Variants in TCEA1 observed in about 807,000 individuals in gnomAD.
The protein encoded by TCEA1 is transcription elongation factor A protein 1.
In TCEA1, 21 loss-of-function variants were observed where a neutral mutation model predicts 43.8. That is an observed-to-expected ratio of 0.48 (90% CI 0.34 to 0.69). The LOEUF is 0.69. Ranked by LOEUF, TCEA1 falls within the 30% of genes least tolerant of loss-of-function variation. TCEA1 has a pLI of 0.01. For synonymous variants in TCEA1, 104 were observed against 117.5 expected, an observed-to-expected ratio of 0.88 and a Z score of 0.75; for missense variants, 250 against 365.1, an observed-to-expected ratio of 0.68 and a Z score of 2.57.
intron 7 of TCEA1, among the ~76,000 whole-genome samples, chr8:53,982,001 G>A (rs1173655931): frequency 2.7e-5 from 4 of 147,696 alleles, no homozygotes; most frequent in Admixed American, 1.4e-4. Context: ...CTGGACTCAA[G>A]TGATCTGCTC....
intron 4 of TCEA1, among the ~76,000 whole-genome samples, chr8:53,992,565 C>T (rs748473479): frequency 1.1e-4 from 16 of 152,120 alleles, no homozygotes; most frequent in Non-Finnish European, 1.5e-4. Flanking sequence ...GAGCCAAGAT[C>T]GCACCACTGC....
intron 8 of TCEA1, chr8:53,972,718 G>T: frequency 1.5e-6 from 1 of 676,166 alleles, no homozygotes; most frequent in Non-Finnish European, 2.8e-6. Context: ...TGGACCTCTA[G>T]AGAAAAACTG....
intron 1 of TCEA1, among the ~76,000 whole-genome samples, chr8:54,018,570 G>C (rs1291345773): frequency 1.3e-5 from 2 of 152,166 alleles, no homozygotes; most frequent in Admixed American, 1.3e-4. Context: ...AGAAAAGCCA[G>C]GATTTGAACC....
chr8:53,978,983 G>A (rs1401694507), intron 8 of TCEA1, 42 bp downstream of exon 8: 1 of 1,558,698 alleles, frequency 6.4e-7, no homozygotes. Flanking sequence ...GGAGTTGCAA[G>A]CATTTTTATA....
chr8:53,999,224 C>CAAAAAAA (rs57357613), intron 3 of TCEA1, among the ~76,000 whole-genome samples: 6 of 64,510 alleles, frequency 9.3e-5, no homozygotes, highest in African/African-American at 2.1e-4. Context: ...GACTCAGTCT[C>CAAAAAAA]AAAAAAAAAA....
At chr8:53,975,132 A>G (rs879798804) in intron 8 of TCEA1, among the ~76,000 whole-genome samples, 12 of 152,192 alleles carry the variant, frequency 7.9e-5, no homozygotes, top group Non-Finnish European at 1.2e-4. Flanking sequence ...ATCTCAAACT[A>G]TTCTCTGGAA....
chr8:53,973,515 C>T (rs1803230985), intron 8 of TCEA1: 6 of 506,668 alleles, frequency 1.2e-5, no homozygotes, highest in South Asian at 1.0e-4. Context: ...ACAAAATCTG[C>T]AAAAGATGGC....
intron 8 of TCEA1, among the ~76,000 whole-genome samples, chr8:53,977,703 A>G (rs1018387376): frequency 6.6e-6 from 1 of 152,254 alleles, no homozygotes; most frequent in African/African-American, 2.4e-5. Context: ...AAATTAAGAC[A>G]GTGATAAAAA....
intron 9 of TCEA1, 27 bp from the exon 10 acceptor site, chr8:53,968,139 A>G (rs1034739809): frequency 1.3e-6 from 2 of 1,510,010 alleles, no homozygotes; most frequent in African/African-American, 1.4e-5. Flanking sequence ...AATATTTTGT[A>G]AGACCTTTAA....
chr8:53,991,007 T>A (rs1803857411), intron 4 of TCEA1, among the ~76,000 whole-genome samples: 1 of 152,154 alleles, frequency 6.6e-6, no homozygotes, highest in African/African-American at 2.4e-5. Context: ...TGTAGATAGA[T>A]ACCAATCAGT....
chr8:54,007,960 TC>T (rs1010883453), intron 2 of TCEA1, among the ~76,000 whole-genome samples: 6 of 151,778 alleles, frequency 4.0e-5, no homozygotes, highest in Non-Finnish European at 7.4e-5. Context: ...GGATGGTGGA[TC>T]ACCCGAGGTC....
Position 53,968,961 on chromosome 8 carries a change from A to G in TCEA1, c.898-849T>C, listed in dbSNP as rs192529199. Among the ~76,000 whole-genome samples, 978 of 152,202 alleles carry G rather than the reference A, an allele frequency of 6.4e-3. 23 individuals are homozygous for G. The highest frequency in any genetic ancestry group is 5.1e-3 in the Non-Finnish European group (346 of 68,012). On this transcript the variant is annotated intron_variant, in intron 9 of 9. Coordinates refer to ENST00000521604, the MANE Select transcript of TCEA1 (RefSeq NM_006756.4). ...CCATGAAGACACTTTCAGTAGCAGTAATCTTTCCAGCTCAGAACTAAATCT... is the reference window on the plus strand; with the variant it reads ...CCATGAAGACACTTTCAGTAGCAGTGATCTTTCCAGCTCAGAACTAAATCT...
chr8:53,991,149 T>C lies in TCEA1; in HGVS notation c.320+2519A>G, dbSNP rs138886593. On this transcript the variant is annotated intron_variant, in intron 4 of 9. Coordinates refer to ENST00000521604, the MANE Select transcript of TCEA1 (RefSeq NM_006756.4). ...GGCTCACGACAGTAATCCCAGTACT[T>C]TGAGAGGCCAAGGTGGGTGGATCAC... is the stretch of plus-strand genomic sequence containing the variant. 3.2e-3 allele frequency among the ~76,000 whole-genome samples: 485 copies of C among 152,130 alleles called. 4 individuals are homozygous for C. Among genetic ancestry groups the C allele is most frequent in the African/African-American group, 0.01 (432 of 41,496 alleles).
Position 53,978,830 on chromosome 8 carries a change from T to C in TCEA1, c.825+195A>G, listed in dbSNP as rs1041541757. ...TATAAATAAAACTTATCAGTACATA[T>C]GTATCGGAAAAAACGTGGTATACAT... On this transcript the variant is annotated intron_variant, in intron 8 of 9. Transcript: ENST00000521604. The C allele has an allele frequency of 2.0e-6, 1 of 509,940 alleles. No homozygotes were observed. Among genetic ancestry groups the C allele is most frequent in the South Asian group, 4.0e-5 (1 of 25,114 alleles). The allele number at this position is 509,940 out of a possible 1,614,324, so 31.6% of individuals were successfully genotyped here.
intron 8 of TCEA1, chr8:53,973,631 T>A (rs967024071): frequency 1.8e-6 from 1 of 567,902 alleles, no homozygotes; most frequent in African/African-American, 1.9e-5. Flanking sequence ...ACAACAAGAT[T>A]GTGGAGCACC....
Position 53,967,606 on chromosome 8 carries a change from C to T in TCEA1, c.*498G>A, listed in dbSNP as rs970068998. On this transcript the variant is annotated 3_prime_UTR_variant, in exon 10 of 10. Transcript: ENST00000521604. ...TCATAAGCTACCTCAAAATTATGTA[C>T]ATTTTAGATAAGCTGGTCAAGTATT... is the stretch of plus-strand genomic sequence containing the variant. The T allele has an allele frequency of 1.5e-5, 3 of 201,292 alleles. No individual in the cohort carries two copies. The highest frequency in any genetic ancestry group is 2.3e-5 in the African/African-American group (1 of 43,422). The allele number at this position is 201,292 out of a possible 1,614,324, so 12.5% of individuals were successfully genotyped here.
Position 53,993,697 on chromosome 8 carries a change from C to A in TCEA1, c.291G>T (p.Ser97=), listed in dbSNP as rs748158928. The A allele has an allele frequency of 1.9e-6, 3 of 1,613,640 alleles. No homozygotes were observed. Among genetic ancestry groups the A allele is most frequent in the Non-Finnish European group, 2.5e-6 (3 of 1,179,758 alleles). The change falls in exon 4 of 10, where the codon TCG becomes TCT. Residue 97 remains serine, a synonymous_variant. Transcript: ENST00000521604. Reference sequence around the variant, plus strand: ...CTTCTCTTGCCTCAGGGCTGTTCTGCGATGTAATTGCAGGTTCTTTCTTCT... The same window carrying A: ...CTTCTCTTGCCTCAGGGCTGTTCTGAGATGTAATTGCAGGTTCTTTCTTCT... The part of the protein sequence containing the change: ...DEKKKEPAIT[S]QNSPEAREES...
chr8:53,987,099 C>G, intron 5 of TCEA1, 74 bp from the exon 6 acceptor site: 1 of 1,220,436 alleles, frequency 8.2e-7, no homozygotes, highest in Non-Finnish European at 1.2e-6. Context: ...GGTAATTAAA[C>G]TGCATTCCTA....
chr8:53,969,912 A>G (rs749180709), intron 9 of TCEA1, among the ~76,000 whole-genome samples: 5 of 152,242 alleles, frequency 3.3e-5, no homozygotes, highest in Non-Finnish European at 7.3e-5. Flanking sequence ...TCAAGAGCAC[A>G]CAGGCAATAT....
Sources: allele counts gnomAD v4.1 joint callset (sites outside exome capture counted in the v4.1 genomes callset), GRCh38; gene constraint gnomAD v4.1.1; transcripts MANE v1.5; gene names NCBI Gene and HGNC (gene_info 2026-07-23, HGNC 2026-07-21).